BCAS3: variants seen among roughly 807,000 people sequenced by gnomAD.
The protein encoded by BCAS3 is BCAS3 microtubule associated cell migration factor.
In BCAS3, 53 loss-of-function variants were observed where a neutral mutation model predicts 116.1. The observed-to-expected ratio is 0.46, with a 90% CI of 0.37 to 0.57. BCAS3 has a LOEUF of 0.57. BCAS3 is among the 20% of genes least tolerant of loss of function. BCAS3 has a pLI of 0.00. For missense variants in BCAS3, 917 were observed against 1,165.4 expected (o/e 0.79, Z 3.10); for synonymous variants, 391 against 408.2 (o/e 0.96, Z 0.51).
intron 11 of BCAS3, among the ~76,000 whole-genome samples, chr17:60,906,133 A>G (rs973206713): frequency 6.6e-6 from 1 of 152,178 alleles, no homozygotes; most frequent in Non-Finnish European, 1.5e-5. Flanking sequence ...TTTTGTTAGA[A>G]AAGAAATTAT....
chr17:60,843,438 C>T (rs554891304), intron 7 of BCAS3, among the ~76,000 whole-genome samples: 9 of 152,108 alleles, frequency 5.9e-5, no homozygotes, highest in African/African-American at 1.4e-4. Context: ...AGGCTGATCT[C>T]GAACTCCTGA....
intron 15 of BCAS3, among the ~76,000 whole-genome samples, chr17:61,010,210 T>G (rs975916684): frequency 6.6e-6 from 1 of 152,016 alleles, no homozygotes; most frequent in African/African-American, 2.4e-5. Context: ...CTGTTCACTT[T>G]TATCCTCAAC....
intron 6 of BCAS3, among the ~76,000 whole-genome samples, chr17:60,756,971 T>C (rs1409525134): frequency 2.6e-5 from 4 of 152,168 alleles, no homozygotes; most frequent in Non-Finnish European, 4.4e-5. Flanking sequence ...AAGACCATCC[T>C]GGCCAACATG....
chr17:61,070,919 A>G (rs1463307158), intron 19 of BCAS3, among the ~76,000 whole-genome samples: 1 of 152,188 alleles, frequency 6.6e-6, no homozygotes, highest in Non-Finnish European at 1.5e-5. Context: ...ATTTCCAAAC[A>G]CTTAACCACC....
intron 22 of BCAS3, among the ~76,000 whole-genome samples, chr17:61,148,114 T>C (rs2077344922): frequency 1.3e-5 from 2 of 152,160 alleles, no homozygotes; most frequent in Non-Finnish European, 2.9e-5. Flanking sequence ...TTTAGATAAG[T>C]AGAGACACTC....
intron 9 of BCAS3, among the ~76,000 whole-genome samples, chr17:60,876,401 A>G (rs930980539): frequency 6.6e-6 from 1 of 151,962 alleles, no homozygotes; most frequent in African/African-American, 2.4e-5. Flanking sequence ...TTAATCCTAT[A>G]TATCTTTCTG....
At chr17:60,877,546 GA>G (rs1425479923) in intron 9 of BCAS3, among the ~76,000 whole-genome samples, 1 of 152,104 alleles carries the variant, frequency 6.6e-6, no homozygotes, top group Non-Finnish European at 1.5e-5. Flanking sequence ...ATGTATTCCT[GA>G]ATACTTCCAC....
rs2058438053 is a variant in BCAS3 at position 60,910,588 on chromosome 17, A to T, written c.879A>T (p.Thr293=). The T allele has an allele frequency of 1.2e-6, 2 of 1,612,482 alleles. No individual in the cohort carries two copies. Among genetic ancestry groups the T allele is most frequent in the South Asian group, 2.2e-5 (2 of 90,900 alleles). ...VGKVVTQLTG[T]LPSGVTEDDV... ...AAGTGGTGACTCAGCTGACAGGCACACTGCCTTCAGGTGTGACAGAAGATG... is the reference window on the plus strand; with the variant it reads ...AAGTGGTGACTCAGCTGACAGGCACTCTGCCTTCAGGTGTGACAGAAGATG... Residue 293 remains threonine (T), a synonymous_variant, in exon 12 of 24, where the codon ACA becomes ACT. Transcript: ENST00000407086.
intron 8 of BCAS3, among the ~76,000 whole-genome samples, chr17:60,872,206 C>T (rs2055166470): frequency 1.3e-5 from 2 of 151,534 alleles, no homozygotes; most frequent in South Asian, 4.1e-4. Context: ...TTTAAATATT[C>T]TATGTTTATA....
At chr17:60,968,103 C>G (rs2061755810) in intron 14 of BCAS3, among the ~76,000 whole-genome samples, 1 of 152,036 alleles carries the variant, frequency 6.6e-6, no homozygotes, top group Non-Finnish European at 1.5e-5. Flanking sequence ...GTCATAATTC[C>G]CTACTTGCTG....
intron 4 of BCAS3, among the ~76,000 whole-genome samples, chr17:60,701,861 C>T (rs2036454907): frequency 6.6e-6 from 1 of 151,218 alleles, no homozygotes; most frequent in African/African-American, 2.4e-5. Context: ...GTAATCCCAG[C>T]TTCTTGGGAG....
In BCAS3 at chr17:61,012,091, CCTTA is replaced by C. The variant is rs376507765; in HGVS notation, c.1487-3656_1487-3653del. 4.0e-4 allele frequency among the ~76,000 whole-genome samples: 61 copies of C among 152,084 alleles called. No individual in the cohort carries two copies. The highest frequency in any genetic ancestry group is 1.4e-3 in the African/African-American group (59 of 41,532). On this transcript the variant is annotated intron_variant, in intron 15 of 23. Coordinates refer to ENST00000407086, the MANE Select transcript of BCAS3 (RefSeq NM_017679.5). The surrounding 1 kb of genome is among the most constrained non-coding windows in gnomAD (Gnocchi z 4.5). ...CTTTAAAACAATAATAAAAGTGACTCCTTACTTTTTGTTCCTGAGTCATTTTTCA... is the reference window on the plus strand; with the variant it reads ...CTTTAAAACAATAATAAAAGTGACTCCTTTTTGTTCCTGAGTCATTTTTCA...
At chr17:61,382,342 T>G (rs2059644518) in intron 23 of BCAS3, among the ~76,000 whole-genome samples, 1 of 150,338 alleles carries the variant, frequency 6.7e-6, no homozygotes, top group Admixed American at 6.6e-5. Context: ...CTCACTGCAA[T>G]GTCCGCCTCC....
intron 21 of BCAS3, 66 bp downstream of exon 21, chr17:61,078,595 CAT>C: frequency 7.3e-7 from 1 of 1,368,420 alleles, no homozygotes; most frequent in Non-Finnish European, 1.0e-6. Flanking sequence ...AAATGAGCAT[CAT>C]ATGTAATATT....
chr17:60,770,504 C>T lies in BCAS3; in HGVS notation c.403+23225C>T, dbSNP rs561756156. Among the ~76,000 whole-genome samples, 102 of 144,294 alleles carry T rather than the reference C, an allele frequency of 7.1e-4. 3 individuals are homozygous for T. In the South Asian group the frequency reaches 1.0e-2, roughly 14 times the overall value. 94.7% of individuals were successfully genotyped at this position (144,294 alleles called of 152,430 possible). On this transcript the variant is annotated intron_variant, in intron 6 of 23. Coordinates refer to ENST00000407086, the MANE Select transcript of BCAS3 (RefSeq NM_017679.5). ...CGTGATCTCGGCTCACTGCAACCTCCGACTCCCTGGTTGAAACGATTTTCT... is the reference window on the plus strand; with the variant it reads ...CGTGATCTCGGCTCACTGCAACCTCTGACTCCCTGGTTGAAACGATTTTCT...
At chr17:61,048,001 C>A (rs560543876) in intron 19 of BCAS3, among the ~76,000 whole-genome samples, 2 of 152,090 alleles carry the variant, frequency 1.3e-5, no homozygotes, top group Non-Finnish European at 2.9e-5. Flanking sequence ...AATATACATT[C>A]ATTCAATAGA....
chr17:61,275,089 G>A (rs928080731), intron 22 of BCAS3, among the ~76,000 whole-genome samples: 6 of 151,888 alleles, frequency 4.0e-5, no homozygotes, highest in African/African-American at 1.2e-4. Flanking sequence ...GGGCTCAAGC[G>A]ATCCTCTCAC....
chr17:60,896,816 A>G (rs2057545564), intron 10 of BCAS3, among the ~76,000 whole-genome samples: 1 of 151,766 alleles, frequency 6.6e-6, no homozygotes, highest in South Asian at 2.1e-4. Flanking sequence ...TATTTATTTT[A>G]TTTACATTCA....
chr17:61,257,525 T>C (rs956808848), intron 22 of BCAS3, among the ~76,000 whole-genome samples: 3 of 150,746 alleles, frequency 2.0e-5, no homozygotes, highest in Admixed American at 1.3e-4. Context: ...TTGAATGGAA[T>C]ACTTTAGCGG....
Sources: allele counts gnomAD v4.1 joint callset (sites outside exome capture counted in the v4.1 genomes callset), GRCh38; gene constraint gnomAD v4.1.1; non-coding constraint Gnocchi (gnomAD v3.1); transcripts MANE v1.5; gene names NCBI Gene and HGNC (gene_info 2026-07-23, HGNC 2026-07-21).